The following TMCC1 variants were observed in gnomAD, a reference collection of about 807,000 sequenced individuals.
TMCC1 encodes the protein transmembrane and coiled-coil domain family 1.
In TMCC1, 15 loss-of-function variants were observed where a neutral mutation model predicts 52.4. That is an observed-to-expected ratio of 0.29 (90% CI 0.19 to 0.44). TMCC1 has a LOEUF of 0.44. TMCC1 is among the 20% of genes least tolerant of loss of function. The pLI is 1.00. For synonymous variants in TMCC1, 279 were observed against 301.9 expected (o/e 0.92, Z 0.79); for missense variants, 503 against 806.0 (o/e 0.62, Z 4.55).
At chr3:129,854,200 T>A (rs894449933) in intron 2 of TMCC1, among the ~76,000 whole-genome samples, 1 of 152,018 alleles carries the variant, frequency 6.6e-6, no homozygotes, top group Non-Finnish European at 1.5e-5. Context: ...GAGACCAGCC[T>A]GGCCAACATG....
chr3:129,849,044 A>G (rs2059793120), intron 2 of TMCC1, among the ~76,000 whole-genome samples: 1 of 152,222 alleles, frequency 6.6e-6, no homozygotes, highest in African/African-American at 2.4e-5. Context: ...GGCACAAAAG[A>G]ATACTAAGAG....
At chr3:129,762,698 CTT>C (rs1378144180) in intron 4 of TMCC1, among the ~76,000 whole-genome samples, 3 of 152,066 alleles carry the variant, frequency 2.0e-5, no homozygotes, top group Non-Finnish European at 4.4e-5. Flanking sequence ...GGGAAGATCT[CTT>C]GAGTCTGGGA....
At chr3:129,737,794 A>G (rs2051104812) in intron 4 of TMCC1, among the ~76,000 whole-genome samples, 1 of 152,198 alleles carries the variant, frequency 6.6e-6, no homozygotes, top group African/African-American at 2.4e-5. Context: ...CACACCTACT[A>G]AATTTACCAT....
At chr3:129,703,104 G>C (rs1289319885) in intron 4 of TMCC1, among the ~76,000 whole-genome samples, 1 of 152,164 alleles carries the variant, frequency 6.6e-6, no homozygotes, top group African/African-American at 2.4e-5. Context: ...TTGGGAGCGG[G>C]GATAAACCCA....
intron 2 of TMCC1, among the ~76,000 whole-genome samples, chr3:129,876,652 TA>T (rs966009275): frequency 2.6e-4 from 39 of 150,770 alleles, no homozygotes; most frequent in African/African-American, 9.0e-4. Flanking sequence ...TAAATAAAAT[TA>T]AAAAAAATAA....
At chr3:129,684,178 G>A (rs561212002) in intron 4 of TMCC1, among the ~76,000 whole-genome samples, 1 of 152,286 alleles carries the variant, frequency 6.6e-6, no homozygotes, top group South Asian at 2.1e-4. Flanking sequence ...TTTAAATAGA[G>A]GTATCTGTAA....
chr3:129,729,727 C>T (rs1213953276), intron 4 of TMCC1, among the ~76,000 whole-genome samples: 2 of 152,198 alleles, frequency 1.3e-5, no homozygotes, highest in Non-Finnish European at 2.9e-5. Flanking sequence ...TACTGAACAT[C>T]ATGGCTTAGC....
chr3:129,845,798 T>G (rs1404698001), intron 2 of TMCC1, among the ~76,000 whole-genome samples: 6 of 152,104 alleles, frequency 3.9e-5, no homozygotes, highest in Admixed American at 6.6e-5. Flanking sequence ...AAATTCCATC[T>G]AATCTCACCC....
rs901858134 is a variant in TMCC1, at chr3:129,787,920, C to G, written c.576+39883G>C. On this transcript the variant is annotated intron_variant, in intron 4 of 6. Coordinates refer to ENST00000393238, the MANE Select transcript of TMCC1 (RefSeq NM_001017395.5). Reference sequence around the variant, plus strand: ...TGAAGAATAACAAGTCTAAAATTTACTTTCACATTATGAACTTGTAACACA... The same window carrying G: ...TGAAGAATAACAAGTCTAAAATTTAGTTTCACATTATGAACTTGTAACACA... Among the ~76,000 whole-genome samples, 46 of 152,322 alleles carry G rather than the reference C, an allele frequency of 3.0e-4. 1 individual carries two copies. The highest frequency in any genetic ancestry group is 1.1e-3 in the African/African-American group (44 of 41,578).
chr3:129,678,000 C>T (rs1483282655), intron 4 of TMCC1, among the ~76,000 whole-genome samples: 1 of 152,158 alleles, frequency 6.6e-6, no homozygotes, highest in Non-Finnish European at 1.5e-5. Context: ...GATCTTGGCT[C>T]ACTGCAACCT....
At chr3:129,715,758 T>C (rs2049033234) in intron 4 of TMCC1, among the ~76,000 whole-genome samples, 1 of 152,188 alleles carries the variant, frequency 6.6e-6, no homozygotes, top group South Asian at 2.1e-4. Context: ...AGACTGTGTC[T>C]TATATCTTAT....
At chr3:129,748,256 C>T (rs2052160962) in intron 4 of TMCC1, among the ~76,000 whole-genome samples, 1 of 152,142 alleles carries the variant, frequency 6.6e-6, no homozygotes. Context: ...CAGTTCTTGC[C>T]TGCTACATAT....
chr3:129,876,331 T>A (rs1040246752), intron 2 of TMCC1, among the ~76,000 whole-genome samples: 1 of 150,906 alleles, frequency 6.6e-6, no homozygotes, highest in Admixed American at 6.6e-5. Context: ...GTGAAGAGGT[T>A]CTCACAAGCC....
intron 4 of TMCC1, among the ~76,000 whole-genome samples, chr3:129,722,028 CATT>C (rs1336387707): frequency 6.6e-6 from 1 of 152,188 alleles, no homozygotes; most frequent in Non-Finnish European, 1.5e-5. Flanking sequence ...ACATTTTAAT[CATT>C]GTTTCAATGA....
intron 4 of TMCC1, among the ~76,000 whole-genome samples, chr3:129,746,824 C>T (rs1403074840): frequency 6.6e-6 from 1 of 152,184 alleles, no homozygotes; most frequent in Non-Finnish European, 1.5e-5. Flanking sequence ...GTGCAATGCC[C>T]TGAACACAGC....
intron 5 of TMCC1, among the ~76,000 whole-genome samples, chr3:129,668,023 C>T (rs1032986264): frequency 1.1e-4 from 17 of 152,170 alleles, no homozygotes; most frequent in African/African-American, 3.9e-4. Context: ...CTTGTCTCTA[C>T]AAAAGAATTA....
At chr3:129,796,544 G>A (rs937670159) in intron 4 of TMCC1, among the ~76,000 whole-genome samples, 3 of 152,140 alleles carry the variant, frequency 2.0e-5, no homozygotes, top group African/African-American at 7.2e-5. Context: ...ATATGGCCAG[G>A]TTCAGTGGCT....
intron 2 of TMCC1, among the ~76,000 whole-genome samples, chr3:129,864,783 AT>A (rs1375666376): frequency 6.6e-6 from 1 of 152,232 alleles, no homozygotes; most frequent in East Asian, 1.9e-4. Context: ...CAATTAGGTT[AT>A]GGTCAGTACC....
chr3:129,671,429 G>A (rs569822657), intron 4 of TMCC1, among the ~76,000 whole-genome samples, 165 bp from the exon 5 acceptor site: 2 of 152,150 alleles, frequency 1.3e-5, no homozygotes, highest in South Asian at 4.2e-4. Flanking sequence ...CTTACATACT[G>A]CCCTCATACA....
Sources: allele counts gnomAD v4.1 joint callset (sites outside exome capture counted in the v4.1 genomes callset), GRCh38; gene constraint gnomAD v4.1.1; transcripts MANE v1.5; gene names NCBI Gene and HGNC (gene_info 2026-07-23, HGNC 2026-07-21).